The following PLA2G4A variants were observed in gnomAD, a reference collection of about 807,000 sequenced individuals.
The protein encoded by PLA2G4A is cytosolic phospholipase A2.
A neutral mutation model predicts 81.9 loss-of-function variants in PLA2G4A; 40 were observed. The observed-to-expected ratio is 0.49, with a 90% confidence interval of 0.38 to 0.64. The LOEUF (loss-of-function observed/expected upper bound fraction) is 0.64, where lower values mean the gene tolerates loss of function less well. Among genes scored for constraint, PLA2G4A ranks in the 30% least tolerant of loss-of-function variants. PLA2G4A has a pLI of 0.00. For synonymous variants in PLA2G4A, 302 were observed against 296.9 expected (o/e 1.02, Z -0.18); for missense variants, 715 against 905.1 (o/e 0.79, Z 2.69).
chr1:186,859,728 A>G (rs1160256502), intron 2 of PLA2G4A, among the ~76,000 whole-genome samples: 1 of 152,118 alleles, frequency 6.6e-6, no homozygotes, highest in African/African-American at 2.4e-5. Context: ...GAAAACCACC[A>G]CTGAATAAGT....
chr1:186,829,730 A>G (rs1651482109), intron 1 of PLA2G4A, among the ~76,000 whole-genome samples: 1 of 151,636 alleles, frequency 6.6e-6, no homozygotes, highest in Non-Finnish European at 1.5e-5. Flanking sequence ...TTTCCAAAAA[A>G]AACAGAAAAA....
intron 12 of PLA2G4A, among the ~76,000 whole-genome samples, chr1:186,949,284 A>C (rs1482212597): frequency 1.3e-5 from 2 of 151,728 alleles, no homozygotes; most frequent in African/African-American, 4.8e-5. Context: ...GAAAGAAAGA[A>C]GAAAAAGAAG....
At chr1:186,910,278 G>T (rs1654894451) in intron 6 of PLA2G4A, among the ~76,000 whole-genome samples, 2 of 152,036 alleles carry the variant, frequency 1.3e-5, no homozygotes, top group African/African-American at 2.4e-5. Flanking sequence ...TTACAATTAA[G>T]GTAAGGATTT....
chr1:186,856,738 A>G (rs1652567733), intron 2 of PLA2G4A, among the ~76,000 whole-genome samples: 1 of 152,036 alleles, frequency 6.6e-6, no homozygotes, highest in Non-Finnish European at 1.5e-5. Flanking sequence ...GGAGTACATA[A>G]CAGGAAGAAT....
intron 5 of PLA2G4A, among the ~76,000 whole-genome samples, chr1:186,899,929 G>A (rs1048986945): frequency 1.3e-5 from 2 of 152,218 alleles, no homozygotes; most frequent in African/African-American, 2.4e-5. Context: ...CTTAGAAGCA[G>A]TGAGGATCCG....
intron 17 of PLA2G4A, among the ~76,000 whole-genome samples, chr1:186,980,096 T>C (rs978345744): frequency 2.0e-4 from 31 of 151,878 alleles, no homozygotes; most frequent in Middle Eastern, 3.4e-3. Context: ...TACAGGCGCC[T>C]GCCACCACGC....
At chr1:186,909,094 C>T (rs1394640971) in intron 6 of PLA2G4A, among the ~76,000 whole-genome samples, 2 of 149,502 alleles carry the variant, frequency 1.3e-5, no homozygotes, top group African/African-American at 2.5e-5. Context: ...CTGCCTCAGC[C>T]TCCCGAGTAG....
intron 1 of PLA2G4A, among the ~76,000 whole-genome samples, chr1:186,841,994 G>A (rs1651998649): frequency 1.3e-5 from 2 of 151,552 alleles, no homozygotes; most frequent in African/African-American, 2.4e-5. Context: ...AAGGAGCTAT[G>A]CTCTCTCCTT....
At chr1:186,935,477 A>G (rs1174445548) in intron 8 of PLA2G4A, among the ~76,000 whole-genome samples, 4 of 151,502 alleles carry the variant, frequency 2.6e-5, no homozygotes, top group Non-Finnish European at 5.9e-5. Context: ...GAAATAATGT[A>G]GAGGCATAGA....
intron 17 of PLA2G4A, among the ~76,000 whole-genome samples, chr1:186,983,801 G>A (rs1557904303): frequency 6.6e-6 from 1 of 152,062 alleles, no homozygotes; most frequent in Non-Finnish European, 1.5e-5. Flanking sequence ...GACCAAATTG[G>A]GTATTCAAAT....
intron 7 of PLA2G4A, among the ~76,000 whole-genome samples, chr1:186,919,202 C>T (rs1655256679): frequency 6.6e-6 from 1 of 152,164 alleles, no homozygotes. Context: ...TCTTTGTAAC[C>T]CCGTACAAAG....
intron 1 of PLA2G4A, among the ~76,000 whole-genome samples, chr1:186,830,608 CAAAAAA>C (rs55745208): frequency 9.6e-5 from 7 of 72,692 alleles, no homozygotes; most frequent in East Asian, 4.0e-4. Flanking sequence ...AGCTCTGTCT[CAAAAAA>C]AAAAAAAAAA....
chr1:186,910,419 G>A (rs2102152935), intron 6 of PLA2G4A, among the ~76,000 whole-genome samples: 1 of 152,214 alleles, frequency 6.6e-6, no homozygotes, highest in South Asian at 2.1e-4. Context: ...TTGGTATTTA[G>A]ACTTCAGTAT....
intron 2 of PLA2G4A, among the ~76,000 whole-genome samples, chr1:186,863,234 T>G (rs956546111): frequency 6.6e-6 from 1 of 152,336 alleles, no homozygotes; most frequent in East Asian, 1.9e-4. Context: ...GGCACCCAGT[T>G]AAATTAGAAC....
At chr1:186,883,153 C>T (rs1206851416) in intron 3 of PLA2G4A, among the ~76,000 whole-genome samples, 1 of 151,860 alleles carries the variant, frequency 6.6e-6, no homozygotes, top group Non-Finnish European at 1.5e-5. Flanking sequence ...GGAGGTAGGG[C>T]TCACAGATGT....
At position 186,857,366 on chromosome 1, in the gene PLA2G4A, T is replaced by A. The variant is rs554282516; in HGVS notation, c.33+2979T>A. Reference sequence around the variant, plus strand: ...TATATATTATAAATATAATATTATATTCATATGTATTATATAAATGTAATA... The same window carrying A: ...TATATATTATAAATATAATATTATAATCATATGTATTATATAAATGTAATA... On this transcript the variant is annotated intron_variant, in intron 2 of 17. Transcript: ENST00000367466. Among the ~76,000 whole-genome samples the A allele has an allele frequency of 1.7e-4, 21 of 124,442 alleles. No homozygotes were observed. In the South Asian group the frequency reaches 4.7e-3, roughly 28 times the overall value. The allele number at this position is 124,442 out of a possible 152,430, so 81.6% of individuals were successfully genotyped here.
At chr1:186,927,711 G>A (rs12720579) in intron 7 of PLA2G4A, among the ~76,000 whole-genome samples, 151 of 152,266 alleles carry the variant, frequency 9.9e-4, no homozygotes, top group Admixed American at 1.6e-3. Flanking sequence ...TTAATTCTCC[G>A]AGTGCCACTT....
intron 15 of PLA2G4A, among the ~76,000 whole-genome samples, chr1:186,971,759 A>C (rs1488841377): frequency 6.6e-6 from 1 of 152,050 alleles, no homozygotes; most frequent in Non-Finnish European, 1.5e-5. Context: ...CTAAAGTAGA[A>C]TATTTGTTTT....
At chr1:186,886,710 T>G (rs988903022) in intron 3 of PLA2G4A, among the ~76,000 whole-genome samples, 24 of 152,334 alleles carry the variant, frequency 1.6e-4, no homozygotes, top group African/African-American at 5.8e-4. Context: ...ATTCTTGCAT[T>G]TATTTTCTCG....
Sources: gnomAD v4.1 joint callset for allele counts (sites outside exome capture counted in the v4.1 genomes callset) on GRCh38, gnomAD v4.1.1 for gene constraint, MANE v1.5 for transcripts, NCBI Gene and HGNC (gene_info 2026-07-23, HGNC 2026-07-21) for gene names.